The following RBMS3 variants were observed in gnomAD, a reference collection of about 807,000 sequenced individuals.
The protein encoded by RBMS3 is RNA binding motif single stranded interacting protein 3, also known as RNA-binding motif, single-stranded-interacting protein 3.
Under a neutral mutation model 66.8 loss-of-function variants are expected in RBMS3, and 27 were observed. That is an observed-to-expected ratio of 0.40 (90% CI 0.30 to 0.56). The LOEUF (loss-of-function observed/expected upper bound fraction) is 0.56. Among genes scored for constraint, RBMS3 ranks in the 20% least tolerant of loss-of-function variants. RBMS3 has a pLI of 0.40. For missense variants in RBMS3, 513 were observed against 549.5 expected (o/e 0.93, Z 0.66); for synonymous variants, 188 against 183.0 (o/e 1.03, Z -0.22).
chr3:29,733,899 A>T (rs920150820), intron 4 of RBMS3, among the ~76,000 whole-genome samples: 3 of 152,038 alleles, frequency 2.0e-5, no homozygotes. Context: ...TAAGTCTTTA[A>T]GCCGTTTTGA....
chr3:30,003,945 A>T lies in RBMS3; in HGVS notation c.*83A>T. The T allele has an allele frequency of 8.4e-7, 1 of 1,189,602 alleles. No homozygotes were observed. 73.7% of individuals were successfully genotyped at this position (1,189,602 alleles called of 1,614,324 possible). ...CAAGAAGTTGGCTTCCAGTTTGCAC[A>T]GACGTCAATGGAATGCATTTTTTTG... On this transcript the variant is annotated 3_prime_UTR_variant, in exon 15 of 15. Transcript: ENST00000383767.
chr3:29,512,286 T>C (rs960508434), intron 3 of RBMS3, among the ~76,000 whole-genome samples: 8 of 152,084 alleles, frequency 5.3e-5, no homozygotes, highest in African/African-American at 1.9e-4. Context: ...AAATGTTGGA[T>C]TTAGGCATTT....
At chr3:29,435,041 C>T (rs2041346785) in intron 2 of RBMS3, 126 bp downstream of exon 2, 2 of 1,011,112 alleles carry the variant, frequency 2.0e-6, no homozygotes, top group African/African-American at 3.3e-5. Context: ...TCTTTACAAA[C>T]AGGACTTAAA....
At chr3:29,688,384 CAG>C (rs1295613449) in intron 4 of RBMS3, among the ~76,000 whole-genome samples, 6 of 152,132 alleles carry the variant, frequency 3.9e-5, no homozygotes, top group African/African-American at 7.2e-5. Flanking sequence ...AGGGCAAAGA[CAG>C]GGGACAGTTT....
intron 6 of RBMS3, chr3:29,797,936 T>C (rs1360073123): frequency 6.6e-6 from 1 of 152,072 alleles, no homozygotes; most frequent in East Asian, 1.9e-4. Context: ...ATTCTTTCTT[T>C]CACCTGAACA....
intron 4 of RBMS3, among the ~76,000 whole-genome samples, chr3:29,721,087 G>A (rs955323246): frequency 3.3e-5 from 5 of 152,058 alleles, no homozygotes; most frequent in South Asian, 2.1e-4. Flanking sequence ...CACTGCAAGC[G>A]GCAATTTAGA....
intron 6 of RBMS3, among the ~76,000 whole-genome samples, chr3:29,764,327 GAGTT>G (rs1048099393): frequency 3.9e-5 from 6 of 152,056 alleles, no homozygotes; most frequent in East Asian, 1.9e-4. Context: ...GTTAAGAAAA[GAGTT>G]AGCAGTTTTC....
At chr3:29,681,637 G>A (rs988253071) in intron 4 of RBMS3, among the ~76,000 whole-genome samples, 5 of 152,052 alleles carry the variant, frequency 3.3e-5, no homozygotes, top group African/African-American at 9.7e-5. Context: ...AGTTTGCTGA[G>A]GATAATGGCT....
intron 7 of RBMS3, among the ~76,000 whole-genome samples, chr3:29,870,927 G>A (rs534910093): frequency 1.3e-5 from 2 of 152,018 alleles, no homozygotes; most frequent in East Asian, 3.9e-4. Context: ...TTGGTTTGGG[G>A]ATGCACATAT....
chr3:29,978,028 C>G (rs769347047), intron 12 of RBMS3, among the ~76,000 whole-genome samples: 19 of 152,092 alleles, frequency 1.2e-4, no homozygotes, highest in Non-Finnish European at 2.6e-4. Flanking sequence ...AGTCCTCTGC[C>G]ATTTATTAGC....
chr3:29,569,432 A>G (rs2149063885), intron 3 of RBMS3, among the ~76,000 whole-genome samples: 1 of 152,280 alleles, frequency 6.6e-6, no homozygotes, highest in African/African-American at 2.4e-5. Context: ...CTTTGTTGAA[A>G]AAAAAATTCC....
At chr3:29,570,501 A>G (rs1472804294) in intron 3 of RBMS3, among the ~76,000 whole-genome samples, 1 of 152,056 alleles carries the variant, frequency 6.6e-6, no homozygotes, top group South Asian at 2.1e-4. Context: ...TCTGGTAACC[A>G]TCCTTCTACT....
At chr3:29,309,520 G>A (rs2034239231) in intron 1 of RBMS3, among the ~76,000 whole-genome samples, 1 of 151,414 alleles carries the variant, frequency 6.6e-6, no homozygotes, top group Admixed American at 6.6e-5. Flanking sequence ...CTGGTATTTG[G>A]CAGTGATCAT....
intron 12 of RBMS3, among the ~76,000 whole-genome samples, chr3:29,959,572 T>A (rs570752972): frequency 1.4e-4 from 22 of 152,286 alleles, no homozygotes; most frequent in Admixed American, 1.1e-3. Context: ...GGGGAAAGGA[T>A]AAAATGATTA....
At chr3:29,367,223 G>A (rs59003291) in intron 1 of RBMS3, among the ~76,000 whole-genome samples, 2,503 of 152,122 alleles carry the variant, frequency 0.016, 71 homozygotes, top group African/African-American at 0.057. Flanking sequence ...ATCATTAATT[G>A]TAATAGAAAA....
At chr3:29,768,892 C>T (rs1004448731) in intron 6 of RBMS3, among the ~76,000 whole-genome samples, 6 of 151,896 alleles carry the variant, frequency 4.0e-5, no homozygotes, top group African/African-American at 1.4e-4. Flanking sequence ...CATCAGCTCC[C>T]AATTAAACTA....
At chr3:29,527,843 T>C (rs1576125563) in intron 3 of RBMS3, among the ~76,000 whole-genome samples, 1 of 143,880 alleles carries the variant, frequency 7.0e-6, no homozygotes, top group South Asian at 2.4e-4. Flanking sequence ...CCTTCCTGTG[T>C]CCAAGTGTTC....
intron 3 of RBMS3, among the ~76,000 whole-genome samples, chr3:29,524,229 TCTAA>T (rs10575906): frequency 0.096 from 14,578 of 152,018 alleles, 1,628 homozygotes; most frequent in African/African-American, 0.27. Flanking sequence ...CTGGTATCTG[TCTAA>T]CTACAAAACT....
intron 1 of RBMS3, among the ~76,000 whole-genome samples, chr3:29,406,460 A>G (rs72852379): frequency 0.054 from 8,182 of 152,258 alleles, 361 homozygotes; most frequent in East Asian, 0.19. Flanking sequence ...TCCCTGAATG[A>G]CAATCCAAGC....
Sources: allele counts gnomAD v4.1 joint callset (sites outside exome capture counted in the v4.1 genomes callset), GRCh38; gene constraint gnomAD v4.1.1; transcripts MANE v1.5; gene names NCBI Gene and HGNC (gene_info 2026-07-23, HGNC 2026-07-21).